KHDRBS3: variants seen among roughly 807,000 people sequenced by gnomAD.
KHDRBS3 encodes the protein KH domain-containing, RNA-binding, signal transduction-associated protein 3.
Under a neutral mutation model 45.6 loss-of-function variants are expected in KHDRBS3, and 23 were observed. That is an observed-to-expected ratio of 0.50 (90% CI 0.36 to 0.72). KHDRBS3 has a LOEUF of 0.72. Ranked by LOEUF, KHDRBS3 falls within the 30% of genes least tolerant of loss-of-function variation. KHDRBS3 has a pLI of 0.00. For synonymous variants in KHDRBS3, 162 were observed against 156.5 expected (o/e 1.04, Z -0.26); for missense variants, 352 against 424.8 (o/e 0.83, Z 1.51).
chr8:135,476,013 T>C (rs1822262779), intron 1 of KHDRBS3, among the ~76,000 whole-genome samples: 1 of 152,210 alleles, frequency 6.6e-6, no homozygotes, highest in South Asian at 2.1e-4. Context: ...TGCAGTCTTA[T>C]CTGGACAATC....
chr8:135,603,659 A>G (rs1829318946), intron 6 of KHDRBS3, among the ~76,000 whole-genome samples: 1 of 152,178 alleles, frequency 6.6e-6, no homozygotes. Context: ...TCTTTTCTAA[A>G]AAAATTTTTT....
intron 7 of KHDRBS3, among the ~76,000 whole-genome samples, chr8:135,624,516 A>G (rs4286981): frequency 0.86 from 131,329 of 152,174 alleles, 56,795 homozygotes; most frequent in East Asian, 1. Flanking sequence ...ACATCTCAAG[A>G]CTAAAACACA....
At chr8:135,531,249 A>C (rs1389073502) in intron 2 of KHDRBS3, among the ~76,000 whole-genome samples, 1 of 152,214 alleles carries the variant, frequency 6.6e-6, no homozygotes, top group Non-Finnish European at 1.5e-5. Context: ...ATTAACGTCT[A>C]AATAAGTTGG....
chr8:135,593,033 T>G (rs2130970156), intron 6 of KHDRBS3, among the ~76,000 whole-genome samples: 1 of 152,252 alleles, frequency 6.6e-6, no homozygotes, highest in South Asian at 2.1e-4. Context: ...ACCCCGTCTC[T>G]GCAAAATTAA....
chr8:135,567,471 C>T (rs888443958), intron 5 of KHDRBS3, among the ~76,000 whole-genome samples: 9 of 152,132 alleles, frequency 5.9e-5, no homozygotes, highest in Admixed American at 5.9e-4. Flanking sequence ...CTTTTCTGAG[C>T]ATGTAGCACC....
rs1383978010 is a variant in KHDRBS3 at position 135,635,441 on chromosome 8, TG to T, written c.891-9616del. On this transcript the variant is annotated intron_variant, in intron 7 of 8. Transcript: ENST00000355849. Reference sequence around the variant, plus strand: ...GCTCATTGCCCAGCCTGGAGTGTAGTGGCACGATCTTGGCTCACCGCAAACT... The same window carrying T: ...GCTCATTGCCCAGCCTGGAGTGTAGTGCACGATCTTGGCTCACCGCAAACT... Among the ~76,000 whole-genome samples the T allele has an allele frequency of 2.0e-5, 3 of 152,224 alleles. No homozygotes were observed. The East Asian group carries it at 5.8e-4, about 29-fold the overall frequency.
intron 5 of KHDRBS3, among the ~76,000 whole-genome samples, chr8:135,558,454 G>A (rs957793571): frequency 2.6e-5 from 4 of 152,046 alleles, no homozygotes; most frequent in Non-Finnish European, 5.9e-5. Flanking sequence ...ATTTAAAATA[G>A]CATTCTTGTA....
At chr8:135,588,120 G>A (rs1382126733) in intron 6 of KHDRBS3, among the ~76,000 whole-genome samples, 1 of 152,214 alleles carries the variant, frequency 6.6e-6, no homozygotes, top group African/African-American at 2.4e-5. Flanking sequence ...TGAGGTGCCA[G>A]TTGCAACTGG....
intron 3 of KHDRBS3, among the ~76,000 whole-genome samples, chr8:135,547,190 TTTCAAAGGAAATTTATA>T (rs1826350731): frequency 6.6e-6 from 1 of 152,162 alleles, no homozygotes; most frequent in Admixed American, 6.5e-5. Flanking sequence ...TCAAAACAAA[TTTCAAAGGAAATTTATA>T]GAATATTATG....
chr8:135,558,512 G>A (rs1402728912), intron 5 of KHDRBS3, among the ~76,000 whole-genome samples: 1 of 152,106 alleles, frequency 6.6e-6, no homozygotes, highest in Non-Finnish European at 1.5e-5. Flanking sequence ...CCTCAATTAT[G>A]CATTGCTGAT....
At chr8:135,547,232 C>T (rs1586700059) in intron 3 of KHDRBS3, among the ~76,000 whole-genome samples, 1 of 152,248 alleles carries the variant, frequency 6.6e-6, no homozygotes, top group African/African-American at 2.4e-5. Context: ...CTTATATTTA[C>T]ATATATTCCC....
chr8:135,516,467 C>T (rs1008130573), intron 1 of KHDRBS3, among the ~76,000 whole-genome samples: 4 of 152,076 alleles, frequency 2.6e-5, no homozygotes, highest in Non-Finnish European at 4.4e-5. Context: ...CTTACAAGAC[C>T]ACTGTCATAT....
intron 6 of KHDRBS3, among the ~76,000 whole-genome samples, chr8:135,603,166 A>G (rs1350405800): frequency 1.3e-5 from 2 of 152,172 alleles, no homozygotes; most frequent in Non-Finnish European, 2.9e-5. Context: ...ATTGACTTGT[A>G]GAATTATAGT....
At chr8:135,639,626 T>C (rs1421451193) in intron 7 of KHDRBS3, among the ~76,000 whole-genome samples, 2 of 152,182 alleles carry the variant, frequency 1.3e-5, no homozygotes, top group African/African-American at 4.8e-5. Context: ...CGTAAAGAAG[T>C]ACCTGGGGCT....
chr8:135,616,868 T>C (rs1829938671), intron 7 of KHDRBS3, among the ~76,000 whole-genome samples: 1 of 152,190 alleles, frequency 6.6e-6, no homozygotes, highest in Non-Finnish European at 1.5e-5. Context: ...TATTTATTTT[T>C]TAAATAATTT....
At chr8:135,483,591 T>C (rs973841437) in intron 1 of KHDRBS3, among the ~76,000 whole-genome samples, 3 of 152,202 alleles carry the variant, frequency 2.0e-5, no homozygotes, top group African/African-American at 4.8e-5. Flanking sequence ...ACTTTTCCTT[T>C]ATGAACAGAG....
chr8:135,638,140 G>T (rs1330888903), intron 7 of KHDRBS3, among the ~76,000 whole-genome samples: 1 of 152,212 alleles, frequency 6.6e-6, no homozygotes, highest in Non-Finnish European at 1.5e-5. Flanking sequence ...GGCTATAAAG[G>T]ATAGAAAGAA....
intron 7 of KHDRBS3, among the ~76,000 whole-genome samples, chr8:135,616,623 T>G (rs1339970806): frequency 2.0e-5 from 3 of 152,192 alleles, no homozygotes; most frequent in Admixed American, 1.3e-4. Context: ...CAACAGTACT[T>G]ACGATCAACC....
intron 6 of KHDRBS3, among the ~76,000 whole-genome samples, chr8:135,594,886 C>A (rs1179438765): frequency 6.6e-6 from 1 of 152,132 alleles, no homozygotes; most frequent in Non-Finnish European, 1.5e-5. Flanking sequence ...GTGGGTAATT[C>A]CTCAGCAGAG....
Sources: allele counts gnomAD v4.1 joint callset (sites outside exome capture counted in the v4.1 genomes callset), GRCh38; gene constraint gnomAD v4.1.1; transcripts MANE v1.5; gene names NCBI Gene and HGNC (gene_info 2026-07-23, HGNC 2026-07-21).